DGKB: variants seen among roughly 807,000 people sequenced by gnomAD.
The protein encoded by DGKB is diacylglycerol kinase beta.
In DGKB, 67 loss-of-function variants were observed where a neutral mutation model predicts 114.3. The observed-to-expected ratio is 0.59, with a 90% CI of 0.48 to 0.72. DGKB has a LOEUF of 0.72. Ranked by LOEUF, DGKB falls within the 30% of genes least tolerant of loss-of-function variation. DGKB has a pLI of 0.00. For synonymous variants in DGKB, 398 were observed against 323.1 expected, an observed-to-expected ratio of 1.23 and a Z score of -2.49; for missense variants, 907 against 975.2, an observed-to-expected ratio of 0.93 and a Z score of 0.93.
chr7:14,389,988 A>C (rs1375427090), intron 21 of DGKB, among the ~76,000 whole-genome samples: 2 of 152,194 alleles, frequency 1.3e-5, no homozygotes, highest in African/African-American at 4.8e-5. Flanking sequence ...AGACACTTCC[A>C]ACACAGTGAG....
At chr7:14,863,439 T>A (rs1851269361) in intron 1 of DGKB, among the ~76,000 whole-genome samples, 1 of 151,628 alleles carries the variant, frequency 6.6e-6, no homozygotes, top group Non-Finnish European at 1.5e-5. Flanking sequence ...AACTAAAATT[T>A]CCCAATACAC....
intron 1 of DGKB, among the ~76,000 whole-genome samples, chr7:14,850,484 A>G (rs1849208962): frequency 6.6e-6 from 1 of 152,140 alleles, no homozygotes; most frequent in Admixed American, 6.6e-5. Context: ...AGTCCCAGAA[A>G]GTCTGTGAGG....
chr7:14,399,083 A>T (rs1428244147), intron 21 of DGKB, among the ~76,000 whole-genome samples: 1 of 151,610 alleles, frequency 6.6e-6, no homozygotes, highest in Non-Finnish European at 1.5e-5. Context: ...GACTTAGAAA[A>T]CATATGTATC....
At chr7:14,847,864 G>GA (rs529182793) in intron 1 of DGKB, among the ~76,000 whole-genome samples, 1 of 151,956 alleles carries the variant, frequency 6.6e-6, no homozygotes, top group Non-Finnish European at 1.5e-5. Context: ...TAGAAGTAAA[G>GA]AAAAAAACTA....
At chr7:14,480,068 T>C (rs1782758938) in intron 20 of DGKB, among the ~76,000 whole-genome samples, 1 of 152,000 alleles carries the variant, frequency 6.6e-6, no homozygotes, top group Non-Finnish European at 1.5e-5. Context: ...GTGTATATTT[T>C]TGTAATGACA....
At position 14,706,462 on chromosome 7, in the gene DGKB, G is replaced by A. The variant is rs993893731; in HGVS notation, c.467-4732C>T. 9.0e-3 allele frequency among the ~76,000 whole-genome samples: 1,350 copies of A among 150,628 alleles called. 24 individuals are homozygous for A. The highest frequency in any genetic ancestry group is 0.032 in the African/African-American group (1,298 of 41,016). On this transcript the variant is annotated intron_variant, in intron 6 of 25. Transcript: ENST00000402815. ...AATTGAACTCAGCTCTGCACCAAGA[G>A]GACCTAATACACATCTACAGAACTC...
chr7:14,685,124 T>A, intron 10 of DGKB, 121 bp downstream of exon 10: 1 of 526,344 alleles, frequency 1.9e-6, no homozygotes, highest in Non-Finnish European at 3.3e-6. Flanking sequence ...AAAATATAAA[T>A]CACATGTACA....
At chr7:14,651,485 G>A (rs1189875072) in intron 13 of DGKB, among the ~76,000 whole-genome samples, 3 of 140,478 alleles carry the variant, frequency 2.1e-5, no homozygotes, top group African/African-American at 7.7e-5. Flanking sequence ...ATTAGGTATT[G>A]ATGGGACGTA....
At chr7:14,303,879 C>T (rs1241121971) in intron 23 of DGKB, among the ~76,000 whole-genome samples, 2 of 151,912 alleles carry the variant, frequency 1.3e-5, no homozygotes, top group Admixed American at 1.3e-4. Flanking sequence ...TGAAAATTAC[C>T]CAAGGATTGA....
intron 21 of DGKB, among the ~76,000 whole-genome samples, chr7:14,413,971 C>T (rs1825297980): frequency 6.6e-6 from 1 of 152,186 alleles, no homozygotes; most frequent in Non-Finnish European, 1.5e-5. Flanking sequence ...AAGTTAAAGG[C>T]TAAATCCACA....
chr7:14,955,431 C>T (rs1786447438), intron 1 of DGKB, among the ~76,000 whole-genome samples: 1 of 151,974 alleles, frequency 6.6e-6, no homozygotes, highest in South Asian at 2.1e-4. Flanking sequence ...TATACGCTTT[C>T]CTTTAAGCAA....
chr7:14,966,057 A>C (rs1787129211), intron 1 of DGKB, among the ~76,000 whole-genome samples: 1 of 152,118 alleles, frequency 6.6e-6, no homozygotes, highest in Admixed American at 6.5e-5. Flanking sequence ...AATTTCTTAA[A>C]CTTAAAATGT....
intron 23 of DGKB, among the ~76,000 whole-genome samples, chr7:14,314,191 A>C (rs1180860328): frequency 6.6e-6 from 1 of 152,174 alleles, no homozygotes; most frequent in African/African-American, 2.4e-5. Flanking sequence ...AAAAAACAGA[A>C]CAGAAAAACT....
intron 20 of DGKB, among the ~76,000 whole-genome samples, chr7:14,519,493 TG>T (rs1203204445): frequency 2.6e-5 from 4 of 152,104 alleles, no homozygotes; most frequent in African/African-American, 9.6e-5. Flanking sequence ...CACCAGTTTA[TG>T]GGCTTATGAA....
intron 24 of DGKB, among the ~76,000 whole-genome samples, chr7:14,177,554 C>CAAAAAAAAA (rs56019837): frequency 2.6e-4 from 18 of 69,026 alleles, no homozygotes; most frequent in Non-Finnish European, 3.7e-4. Context: ...AACTCCGTCT[C>CAAAAAAAAA]AAAAAAAAAA....
intron 6 of DGKB, among the ~76,000 whole-genome samples, chr7:14,703,757 T>C (rs1313430564): frequency 3.3e-5 from 5 of 152,150 alleles, no homozygotes. Context: ...AAAGGCAGCC[T>C]CTAGAATTTG....
chr7:14,725,646 C>A (rs554783439), intron 5 of DGKB, among the ~76,000 whole-genome samples: 1 of 151,786 alleles, frequency 6.6e-6, no homozygotes, highest in African/African-American at 2.4e-5. Context: ...CTCCAGGGTT[C>A]AAGAGATTCT....
intron 23 of DGKB, among the ~76,000 whole-genome samples, chr7:14,272,729 TAGG>T (rs756235273): frequency 2.0e-4 from 30 of 152,278 alleles, no homozygotes; most frequent in Non-Finnish European, 4.0e-4. Context: ...CCGTAAGAAC[TAGG>T]AGATGATCTT....
At chr7:14,332,266 G>A (rs1318736410) in intron 23 of DGKB, among the ~76,000 whole-genome samples, 2 of 152,138 alleles carry the variant, frequency 1.3e-5, no homozygotes, top group African/African-American at 4.8e-5. Context: ...TAGAGATAAG[G>A]AGATTAAAGT....
Sources: allele counts gnomAD v4.1 joint callset (sites outside exome capture counted in the v4.1 genomes callset), GRCh38; gene constraint gnomAD v4.1.1; transcripts MANE v1.5; gene names NCBI Gene and HGNC (gene_info 2026-07-23, HGNC 2026-07-21).